Variants in CSF2RA observed in about 807,000 individuals in gnomAD.
CSF2RA encodes granulocyte-macrophage colony-stimulating factor receptor subunit alpha.
CSF2RA carries 42 observed loss-of-function variants against 51.6 expected under a neutral mutation model. That is an observed-to-expected ratio of 0.81 (90% confidence interval 0.64 to 1.05). CSF2RA has a LOEUF of 1.05. Ranked by LOEUF, CSF2RA falls within the 50% of genes least tolerant of loss-of-function variation. The probability of loss-of-function intolerance (pLI) is 0.00; values close to 1 mark genes in which losing one functional copy is unlikely to be tolerated. For synonymous variants in CSF2RA, 222 were observed against 193.0 expected (o/e 1.15, Z -1.24); for missense variants, 530 against 501.1 (o/e 1.06, Z -0.55).
Position 1,288,769 on chromosome X carries a change from T to C in CSF2RA, c.354T>C (p.Gly118=). Residue 118 remains glycine, a synonymous_variant, in exon 6 of 13, where the codon GGT becomes GGC. Coordinates refer to ENST00000381529, the MANE Select transcript of CSF2RA (RefSeq NM_172245.4). Reference sequence around the variant, plus strand: ...TCTACCTCTTCCCAGGAAGGGAGGGTACCGCTGCTCAGAATTTCTCCTGTT... The same window carrying C: ...TCTACCTCTTCCCAGGAAGGGAGGGCACCGCTGCTCAGAATTTCTCCTGTT... ...KLLYPNSGRE[G]TAAQNFSCFI... is the part of the protein sequence containing the mutation. The C allele has an allele frequency of 6.2e-7, 1 of 1,613,840 alleles. No homozygotes were observed. The highest frequency in any genetic ancestry group is 8.5e-7 in the Non-Finnish European group (1 of 1,179,840).
chrX:1,285,171 G>A (rs1272067654), intron 3 of CSF2RA, among the ~76,000 whole-genome samples: 3 of 152,122 alleles, frequency 2.0e-5, no homozygotes, highest in African/African-American at 7.2e-5. Context: ...AAGGTGCTGG[G>A]ATTAGAGGCG....
the CSF2RA span, among the ~76,000 whole-genome samples, chrX:1,322,843 A>G: frequency 6.6e-6 from 1 of 152,086 alleles, no homozygotes. Context: ...AAGAATCTGA[A>G]GATTGGCCGG....
At chrX:1,271,213 AG>A (rs112608840) in intron 1 of CSF2RA, among the ~76,000 whole-genome samples, 43,148 of 84,412 alleles carry the variant, frequency 0.51, 12,736 homozygotes, top group Middle Eastern at 0.64. Context: ...GCTGGAGGGC[AG>A]TGGCGCGATC....
chrX:1,275,054 AG>A, intron 2 of CSF2RA, among the ~76,000 whole-genome samples: 1 of 144,816 alleles, frequency 6.9e-6, no homozygotes, highest in African/African-American at 2.5e-5. Context: ...ATCCTCCTGA[AG>A]GGTCTCCAGG....
intron 4 of CSF2RA, among the ~76,000 whole-genome samples, chrX:1,287,484 C>T (rs1185187433): frequency 4.0e-4 from 60 of 149,506 alleles, no homozygotes; most frequent in Non-Finnish European, 8.1e-4. Flanking sequence ...CGCTCTGTCG[C>T]CCAGGCTGGA....
intron 9 of CSF2RA, among the ~76,000 whole-genome samples, chrX:1,299,902 A>G (rs2092257372): frequency 6.6e-6 from 1 of 151,634 alleles, no homozygotes; most frequent in African/African-American, 2.4e-5. Context: ...TGGGCGACAG[A>G]GCGAGAGTGT....
chrX:1,290,824 G>C (rs1388279100), intron 7 of CSF2RA, among the ~76,000 whole-genome samples: 1 of 152,146 alleles, frequency 6.6e-6, no homozygotes, highest in Non-Finnish European at 1.5e-5. Flanking sequence ...TTGTGCCACT[G>C]CACTCCAGCT....
At chrX:1,279,780 T>G (rs2089652612) in intron 2 of CSF2RA, among the ~76,000 whole-genome samples, 1 of 18,900 alleles carries the variant, frequency 5.3e-5, no homozygotes, top group South Asian at 1.2e-3. Flanking sequence ...CACAACCGTT[T>G]TTTTTTTTTG....
chrX:1,297,658 A>C (rs1357663117), intron 9 of CSF2RA, among the ~76,000 whole-genome samples: 5 of 35,410 alleles, frequency 1.4e-4, no homozygotes, highest in Admixed American at 7.0e-4. Flanking sequence ...TGACCCCTGG[A>C]GTAACCCTAC....
intron 7 of CSF2RA, among the ~76,000 whole-genome samples, chrX:1,291,465 A>C (rs1367808262): frequency 1.4e-5 from 2 of 147,118 alleles, no homozygotes; most frequent in East Asian, 2.0e-4. Flanking sequence ...CCTCACCAGC[A>C]CCTCTTCGTG....
chrX:1,299,962 A>C (rs2092261778), intron 9 of CSF2RA, among the ~76,000 whole-genome samples: 1 of 151,720 alleles, frequency 6.6e-6, no homozygotes, highest in Admixed American at 6.6e-5. Context: ...TCATGCCTGT[A>C]ATCCCAGCAC....
intron 1 of CSF2RA, among the ~76,000 whole-genome samples, chrX:1,274,381 C>G (rs775455602): frequency 6.6e-6 from 1 of 151,006 alleles, no homozygotes; most frequent in Non-Finnish European, 1.5e-5. Context: ...TGCAATGGTG[C>G]AATCTCAGCT....
chrX:1,292,606 G>A (rs1236404956), intron 7 of CSF2RA, among the ~76,000 whole-genome samples: 1 of 152,084 alleles, frequency 6.6e-6, no homozygotes, highest in Non-Finnish European at 1.5e-5. Context: ...GGATGCACAC[G>A]CAGGCCAGAT....
Position 1,294,314 on chromosome X carries a change from C to T in CSF2RA, c.647-14C>T, listed in dbSNP as rs1227327196. The T allele has an allele frequency of 1.2e-5, 20 of 1,612,558 alleles. No individual in the cohort carries two copies. The highest frequency in any genetic ancestry group is 8.9e-5 in the East Asian group (4 of 44,868). ...CTCTCGGGTTCAGGGGTGTGTCCTG[C>T]GCCCTCGTTACAGAACGATTCAACC... On this transcript the variant is annotated splice_polypyrimidine_tract_variant and intron_variant, in intron 7 of 12. Transcript: ENST00000381529.
chrX:1,272,498 A>C (rs868784034), intron 1 of CSF2RA, among the ~76,000 whole-genome samples: 1 of 84,544 alleles, frequency 1.2e-5, no homozygotes, highest in East Asian at 3.4e-4. Context: ...ATTTTATTTT[A>C]TTTTTTTGAG....
Position 1,288,518 on chromosome X carries a change from G to T in CSF2RA, c.220-1G>T, listed in dbSNP as rs1317651816. On this transcript the variant is annotated splice_acceptor_variant, in intron 4 of 12. Transcript: ENST00000381529. LOFTEE classifies it high-confidence loss of function. ...GGCTCTGTCTGGTTGCAATTCTTCA[G>T]CTCAGTAACAACGAATGTTCGTGCA... 6.2e-7 allele frequency: 1 copy of T among 1,613,918 alleles called. No individual in the cohort carries two copies. Among genetic ancestry groups the T allele is most frequent in the East Asian group, 2.2e-5 (1 of 44,874 alleles).
Position 1,305,535 on chromosome X carries a change from G to A in CSF2RA, c.1125+8G>A, listed in dbSNP as rs185631469. ...CATGAGGTGGAAGACGAGGTAGGCA[G>A]GGGTGGGCGGAGCAGTGACCTGGGA... On this transcript the variant is annotated splice_region_variant and intron_variant, in intron 12 of 12. Transcript: ENST00000381529. 440 of 1,614,018 alleles carry A rather than the reference G, an allele frequency of 2.7e-4. No homozygotes were observed. Among genetic ancestry groups the A allele is most frequent in the Middle Eastern group, 5.0e-4 (3 of 6,056 alleles).
At chrX:1,306,017 G>A in intron 12 of CSF2RA, 1 of 513,032 alleles carries the variant, frequency 1.9e-6, no homozygotes, top group South Asian at 2.1e-5. Context: ...AGGGGGCGGA[G>A]GTTGCAGTGA....
At chrX:1,275,026 A>C (rs182118117) in intron 2 of CSF2RA, among the ~76,000 whole-genome samples, 4 of 150,672 alleles carry the variant, frequency 2.7e-5, no homozygotes, top group African/African-American at 7.3e-5. Flanking sequence ...ATCCTCCTGA[A>C]GCAGCGTGAC....
Sources: gnomAD v4.1 joint callset for allele counts (sites outside exome capture counted in the v4.1 genomes callset) on GRCh38, gnomAD v4.1.1 for gene constraint, MANE v1.5 for transcripts, NCBI Gene and HGNC (gene_info 2026-07-23, HGNC 2026-07-21) for gene names.